EYA1: variants seen among roughly 807,000 people sequenced by gnomAD.
EYA1 encodes protein phosphatase EYA1.
A neutral mutation model predicts 82.0 loss-of-function variants in EYA1; 16 were observed. That is an observed-to-expected ratio of 0.20 (90% CI 0.13 to 0.30). The LOEUF is 0.30. Among genes scored for constraint, EYA1 ranks in the 10% least tolerant of loss-of-function variants. The pLI is 1.00. For synonymous variants in EYA1, 261 were observed against 264.4 expected (o/e 0.99, Z 0.12); for missense variants, 633 against 730.7 (o/e 0.87, Z 1.54).
intron 2 of EYA1, among the ~76,000 whole-genome samples, chr8:71,472,788 G>GATAGATATATATATATAT (rs1554592238): frequency 2.4e-5 from 3 of 126,828 alleles, no homozygotes; most frequent in African/African-American, 8.7e-5. Context: ...TAGCTTTGAA[G>GATAGATATATATATATAT]ATATATATAT....
chr8:71,220,877 G>A, intron 12 of EYA1, among the ~76,000 whole-genome samples: 1 of 152,126 alleles, frequency 6.6e-6, no homozygotes, highest in East Asian at 1.9e-4. Flanking sequence ...GAGGAGAAGA[G>A]TTCCCTGTGC....
At chr8:71,217,155 G>T in intron 12 of EYA1, 132 bp from the exon 13 acceptor site, 1 of 694,566 alleles carries the variant, frequency 1.4e-6, no homozygotes, top group Non-Finnish European at 2.5e-6. Flanking sequence ...CAATCAGTAG[G>T]TGGCAGTCTT....
intron 3 of EYA1, among the ~76,000 whole-genome samples, chr8:71,351,347 A>G (rs747404402): frequency 9.3e-4 from 141 of 152,214 alleles, no homozygotes; most frequent in Admixed American, 1.9e-3. Context: ...ATTTGGAAAC[A>G]TATCACTTCT....
intron 2 of EYA1, among the ~76,000 whole-genome samples, chr8:71,517,736 C>CAT (rs1161794184): frequency 1.4e-5 from 2 of 140,050 alleles, no homozygotes; most frequent in Non-Finnish European, 3.1e-5. Flanking sequence ...TAACTGTATA[C>CAT]ATATATATAA....
chr8:71,477,045 C>A (rs773170250), intron 2 of EYA1, among the ~76,000 whole-genome samples: 31 of 150,364 alleles, frequency 2.1e-4, no homozygotes, highest in Admixed American at 2.6e-4. Flanking sequence ...AAATCTAGAA[C>A]CCTACAACAC....
intron 4 of EYA1, among the ~76,000 whole-genome samples, chr8:71,327,334 A>ATT (rs1449583351): frequency 6.6e-6 from 1 of 152,164 alleles, no homozygotes; most frequent in African/African-American, 2.4e-5. Flanking sequence ...GTTACACAAT[A>ATT]TTTTTTCTCC....
intron 7 of EYA1, among the ~76,000 whole-genome samples, chr8:71,301,761 G>A (rs1820222643): frequency 6.6e-6 from 1 of 152,058 alleles, no homozygotes; most frequent in East Asian, 1.9e-4. Flanking sequence ...CAATAGACAG[G>A]CTTCACATAT....
At chr8:71,456,865 C>A (rs1431611546) in intron 2 of EYA1, among the ~76,000 whole-genome samples, 2 of 152,122 alleles carry the variant, frequency 1.3e-5, no homozygotes, top group Non-Finnish European at 2.9e-5. Context: ...GACTTCATGT[C>A]TAAAACATGA....
intron 10 of EYA1, among the ~76,000 whole-genome samples, chr8:71,271,256 C>T (rs1174769206): frequency 6.6e-6 from 1 of 152,140 alleles, no homozygotes; most frequent in South Asian, 2.1e-4. Flanking sequence ...GGTCTCTATC[C>T]CTTCAAGCAT....
At chr8:71,348,781 C>G (rs571319006) in intron 3 of EYA1, among the ~76,000 whole-genome samples, 2 of 152,316 alleles carry the variant, frequency 1.3e-5, no homozygotes, top group East Asian at 1.9e-4. Context: ...CAGGCACGTT[C>G]TCGACTCTCA....
chr8:71,340,694 A>G (rs199904300), intron 3 of EYA1, among the ~76,000 whole-genome samples: 3 of 152,038 alleles, frequency 2.0e-5, no homozygotes, highest in East Asian at 1.9e-4. Flanking sequence ...ACCTCATTTT[A>G]TATTGGAAAG....
intron 7 of EYA1, among the ~76,000 whole-genome samples, chr8:71,307,926 C>T (rs937205616): frequency 6.6e-6 from 1 of 152,202 alleles, no homozygotes; most frequent in Non-Finnish European, 1.5e-5. Context: ...ACAAGTCTTG[C>T]TTGTGTAAGA....
intron 2 of EYA1, among the ~76,000 whole-genome samples, chr8:71,476,995 A>C (rs562715452): frequency 1.0e-3 from 159 of 152,230 alleles, no homozygotes; most frequent in Non-Finnish European, 2.0e-3. Flanking sequence ...CTTTTCAACA[A>C]ATAGTTTTGG....
chr8:71,357,257 G>A (rs537425522), intron 1 of EYA1, among the ~76,000 whole-genome samples: 19 of 152,304 alleles, frequency 1.2e-4, no homozygotes, highest in East Asian at 5.8e-4. Flanking sequence ...CTTTTAAACC[G>A]AGGAAGAAAA....
At chr8:71,512,653 A>G (rs914152962) in intron 2 of EYA1, among the ~76,000 whole-genome samples, 1 of 152,098 alleles carries the variant, frequency 6.6e-6, no homozygotes, top group African/African-American at 2.4e-5. Context: ...CAGATTTTAA[A>G]AAAAATCTAA....
At chr8:71,463,575 T>TTCTCTCTC (rs776367934) in intron 2 of EYA1, among the ~76,000 whole-genome samples, 1 of 41,192 alleles carries the variant, frequency 2.4e-5, no homozygotes, top group Non-Finnish European at 4.2e-5. Context: ...AATACATGCT[T>TTCTCTCTC]TCTCTCTCTC....
Position 71,344,796 on chromosome 8 carries a change from C to T in EYA1, c.124+9986G>A, listed in dbSNP as rs544732295. On this transcript the variant is annotated intron_variant, in intron 3 of 17. Transcript: ENST00000340726. ...TAAACTAGTGCATGAAGATTGGAAGCAGATGAGCTGGCTCAGACTCACAAC... is the reference window on the plus strand; with the variant it reads ...TAAACTAGTGCATGAAGATTGGAAGTAGATGAGCTGGCTCAGACTCACAAC... Among the ~76,000 whole-genome samples, 3 of 152,318 alleles carry T rather than the reference C, an allele frequency of 2.0e-5. No homozygotes were observed. The East Asian group carries it at 5.8e-4, about 29-fold the overall frequency.
At chr8:71,314,249 C>A (rs1158131988) in intron 7 of EYA1, among the ~76,000 whole-genome samples, 1 of 152,094 alleles carries the variant, frequency 6.6e-6, no homozygotes, top group Non-Finnish European at 1.5e-5. Flanking sequence ...TCAACAGACT[C>A]CCGCAACTAG....
At chr8:71,510,228 G>C (rs1812493319) in intron 2 of EYA1, among the ~76,000 whole-genome samples, 1 of 152,082 alleles carries the variant, frequency 6.6e-6, no homozygotes, top group Non-Finnish European at 1.5e-5. Flanking sequence ...CAAATCTGAA[G>C]CAAAGCAAAC....
Sources: gnomAD v4.1 joint callset for allele counts (sites outside exome capture counted in the v4.1 genomes callset) on GRCh38, gnomAD v4.1.1 for gene constraint, MANE v1.5 for transcripts, NCBI Gene and HGNC (gene_info 2026-07-23, HGNC 2026-07-21) for gene names.